Variants in KIAA1549L observed in about 807,000 individuals in gnomAD.
KIAA1549L encodes UPF0606 protein KIAA1549L.
In KIAA1549L, 88 loss-of-function variants were observed where a neutral mutation model predicts 160.7. The observed-to-expected ratio is 0.55, with a 90% CI of 0.46 to 0.65. The LOEUF (loss-of-function observed/expected upper bound fraction) is 0.65, where lower values mean the gene tolerates loss of function less well. Among genes scored for constraint, KIAA1549L ranks in the 30% least tolerant of loss-of-function variants. The pLI is 0.00. For missense variants in KIAA1549L, 2,258 were observed against 2,437.5 expected (o/e 0.93, Z 1.55); for synonymous variants, 950 against 976.7 (o/e 0.97, Z 0.51).
At chr11:33,523,070 G>C (rs139939437) in intron 1 of KIAA1549L, among the ~76,000 whole-genome samples, 1 of 152,298 alleles carries the variant, frequency 6.6e-6, no homozygotes, top group African/African-American at 2.4e-5. Flanking sequence ...GTCAGCCATG[G>C]AATGACAAAG....
Position 33,542,049 on chromosome 11 carries a change from A to T in KIAA1549L, c.486A>T (p.Gly162=), listed in dbSNP as rs886540119. 3 of 465,030 alleles carry T rather than the reference A, an allele frequency of 6.5e-6. No individual in the cohort carries two copies. Among genetic ancestry groups the T allele is most frequent in the Non-Finnish European group, 1.3e-5 (3 of 232,810 alleles). 28.8% of individuals were successfully genotyped at this position (465,030 alleles called of 1,614,324 possible). The change falls in exon 2 of 21, where the codon GGA becomes GGT. Residue 162 remains glycine, a synonymous_variant. Coordinates refer to ENST00000658780, the MANE Select transcript of KIAA1549L (RefSeq NM_012194.3). ...HADFSSSLYQ[G]SGHSASLEPS... ...ACTTCTCTTCTTCCCTTTACCAAGG[A>T]AGCGGACATAGCGCCTCCCTCGAAC...
At chr11:33,656,812 G>A (rs913816975) in intron 18 of KIAA1549L, among the ~76,000 whole-genome samples, 2 of 152,068 alleles carry the variant, frequency 1.3e-5, no homozygotes, top group African/African-American at 4.8e-5. Context: ...AGTTTCCCTC[G>A]GAATAGGAGG....
chr11:33,414,272 C>T (rs1231273305), intron 1 of KIAA1549L, among the ~76,000 whole-genome samples: 4 of 152,132 alleles, frequency 2.6e-5, no homozygotes, highest in Admixed American at 1.3e-4. Flanking sequence ...ATGGATCTAG[C>T]ACGAAGTATA....
chr11:33,494,874 T>C (rs1852778080), intron 1 of KIAA1549L, among the ~76,000 whole-genome samples: 1 of 152,198 alleles, frequency 6.6e-6, no homozygotes, highest in Non-Finnish European at 1.5e-5. Context: ...CATGCTATGA[T>C]TGATTTATTT....
At chr11:33,621,748 G>A (rs1213402869) in intron 16 of KIAA1549L, among the ~76,000 whole-genome samples, 1 of 152,138 alleles carries the variant, frequency 6.6e-6, no homozygotes, top group Non-Finnish European at 1.5e-5. Flanking sequence ...ATTTACCCCA[G>A]TATGTGGATA....
At chr11:33,496,525 T>G (rs376451544) in intron 1 of KIAA1549L, among the ~76,000 whole-genome samples, 5 of 152,226 alleles carry the variant, frequency 3.3e-5, no homozygotes, top group East Asian at 3.8e-4. Flanking sequence ...TCTTCCCATT[T>G]CAGTGTGGAT....
At chr11:33,422,677 A>G (rs1342820785) in intron 1 of KIAA1549L, among the ~76,000 whole-genome samples, 1 of 151,194 alleles carries the variant, frequency 6.6e-6, no homozygotes, top group Non-Finnish European at 1.5e-5. Flanking sequence ...GATCAACTGT[A>G]AGATGCCTTT....
At position 33,670,242 on chromosome 11, in the gene KIAA1549L, A is replaced by G. The variant is rs575514393; in HGVS notation, c.*2088A>G. 1 of 152,242 alleles carries G rather than the reference A, an allele frequency of 6.6e-6. No homozygotes were observed. Among genetic ancestry groups the G allele is most frequent in the African/African-American group, 2.4e-5 (1 of 41,462 alleles). 9.4% of individuals were successfully genotyped at this position (152,242 alleles called of 1,614,324 possible). On this transcript the variant is annotated 3_prime_UTR_variant, in exon 21 of 21. Coordinates refer to ENST00000658780, the MANE Select transcript of KIAA1549L (RefSeq NM_012194.3). ...CTTTGTCTACTTGGTAAATGCCTGG[A>G]AATACTGTATGTGAAAATGATGTTT...
chr11:33,452,435 G>A (rs1236562044), intron 1 of KIAA1549L, among the ~76,000 whole-genome samples: 1 of 152,238 alleles, frequency 6.6e-6, no homozygotes, highest in Non-Finnish European at 1.5e-5. Context: ...GTGAAACCCT[G>A]TCTCTACTAA....
chr11:33,480,903 G>C (rs1852398502), intron 1 of KIAA1549L, among the ~76,000 whole-genome samples: 1 of 152,186 alleles, frequency 6.6e-6, no homozygotes, highest in African/African-American at 2.4e-5. Flanking sequence ...GTCAGATTTA[G>C]CTGCTGCTTA....
intron 1 of KIAA1549L, among the ~76,000 whole-genome samples, chr11:33,433,725 G>T (rs1851298430): frequency 6.6e-6 from 1 of 152,210 alleles, no homozygotes; most frequent in South Asian, 2.1e-4. Flanking sequence ...TAAAGAAAAT[G>T]TGGCACATAT....
intron 1 of KIAA1549L, among the ~76,000 whole-genome samples, chr11:33,531,680 A>C (rs1172052443): frequency 3.3e-5 from 5 of 152,162 alleles, no homozygotes; most frequent in Non-Finnish European, 7.4e-5. Flanking sequence ...GATTCTATTG[A>C]CTGGTGCATT....
chr11:33,652,004 T>C (rs2133422090), intron 17 of KIAA1549L, among the ~76,000 whole-genome samples: 2 of 148,076 alleles, frequency 1.4e-5, no homozygotes, highest in Admixed American at 1.3e-4. Context: ...TCTCTTCTGG[T>C]CACACACAGC....
At chr11:33,526,304 G>A (rs942676592) in intron 1 of KIAA1549L, among the ~76,000 whole-genome samples, 1 of 152,168 alleles carries the variant, frequency 6.6e-6, no homozygotes, top group Non-Finnish European at 1.5e-5. Flanking sequence ...GCAACATCCT[G>A]GGTAACCAGA....
rs922817431 is a variant in KIAA1549L, at chr11:33,438,201, G to A, written c.238+61312G>A. Among the ~76,000 whole-genome samples, 4 of 152,212 alleles carry A rather than the reference G, an allele frequency of 2.6e-5. No homozygotes were observed. The East Asian group carries it at 7.7e-4, about 29-fold the overall frequency. ...CATCAAATTCCTGGTCATTTCTTGG[G>A]GGAGAATTGGTTAAACTGGTGGTTT... is the stretch of plus-strand genomic sequence containing the variant. On this transcript the variant is annotated intron_variant, in intron 1 of 20. Transcript: ENST00000658780.
rs1241226286 is a variant in KIAA1549L at position 33,551,907 on chromosome 11, C to T, written c.3722-201C>T. Among the ~76,000 whole-genome samples, 8 of 152,174 alleles carry T rather than the reference C, an allele frequency of 5.3e-5. No homozygotes were observed. In the South Asian group the frequency reaches 1.2e-3, roughly 24 times the overall value. On this transcript the variant is annotated intron_variant, in intron 5 of 20. Coordinates refer to ENST00000658780, the MANE Select transcript of KIAA1549L (RefSeq NM_012194.3). ...CATTGGAGGGAATCTCTGGTTCGAT[C>T]GTGCTTTTAATTCTTCTGTGTTATA... is the stretch of plus-strand genomic sequence containing the variant.
At chr11:33,418,444 C>G (rs1397924770) in intron 1 of KIAA1549L, among the ~76,000 whole-genome samples, 1 of 152,188 alleles carries the variant, frequency 6.6e-6, no homozygotes, top group African/African-American at 2.4e-5. Context: ...GCCCTGTCCT[C>G]TTGGAAAGTT....
intron 15 of KIAA1549L, among the ~76,000 whole-genome samples, chr11:33,611,974 T>C (rs1047501747): frequency 2.6e-5 from 4 of 152,240 alleles, no homozygotes; most frequent in Admixed American, 2.6e-4. Context: ...TTGGGGCCTT[T>C]TGATGACCTG....
At position 33,658,743 on chromosome 11, in the gene KIAA1549L, C is replaced by A; in HGVS notation, c.5859-7C>A. 6.4e-7 allele frequency: 1 copy of A among 1,570,588 alleles called. No individual in the cohort carries two copies. Among genetic ancestry groups the A allele is most frequent in the East Asian group, 2.4e-5 (1 of 41,592 alleles). On this transcript the variant is annotated splice_polypyrimidine_tract_variant and splice_region_variant and intron_variant, in intron 18 of 20. Coordinates refer to ENST00000658780, the MANE Select transcript of KIAA1549L (RefSeq NM_012194.3). ...CAGTGCTAACGCAGTCCCTCTGCCC[C>A]ATCTAGATCCACCTCAGACATCGGC...
Sources: allele counts gnomAD v4.1 joint callset (sites outside exome capture counted in the v4.1 genomes callset), GRCh38; gene constraint gnomAD v4.1.1; transcripts MANE v1.5; gene names NCBI Gene and HGNC (gene_info 2026-07-23, HGNC 2026-07-21).